Variants in DLC1 observed in about 807,000 individuals in gnomAD.
The protein encoded by DLC1 is rho GTPase-activating protein 7.
In DLC1, 54 loss-of-function variants were observed where a neutral mutation model predicts 140.3. The observed-to-expected ratio is 0.38, with a 90% CI of 0.31 to 0.48. The LOEUF is 0.48. Among genes scored for constraint, DLC1 ranks in the 20% least tolerant of loss-of-function variants. DLC1 has a pLI of 0.96. For missense variants in DLC1, 2,536 were observed against 1,907.0 expected (o/e 1.33, Z -6.14); for synonymous variants, 986 against 728.1 (o/e 1.35, Z -5.70).
intron 5 of DLC1, among the ~76,000 whole-genome samples, chr8:13,141,923 C>T (rs1232842705): frequency 6.6e-6 from 1 of 152,118 alleles, no homozygotes; most frequent in Admixed American, 6.5e-5. Flanking sequence ...ATTTTGTGTC[C>T]CCACCCAAAT....
At chr8:13,311,087 A>C (rs1400456210) in intron 4 of DLC1, among the ~76,000 whole-genome samples, 2 of 152,222 alleles carry the variant, frequency 1.3e-5, no homozygotes, top group African/African-American at 4.8e-5. Flanking sequence ...ATAATTATAA[A>C]AATTCAGAAT....
intron 5 of DLC1, among the ~76,000 whole-genome samples, chr8:13,202,252 G>T (rs1391335195): frequency 6.6e-6 from 1 of 151,964 alleles, no homozygotes; most frequent in South Asian, 2.1e-4. Flanking sequence ...CCTCAATAGG[G>T]TATTTTTAAA....
chr8:13,150,791 C>T (rs1230750590), intron 5 of DLC1, among the ~76,000 whole-genome samples: 1 of 152,234 alleles, frequency 6.6e-6, no homozygotes, highest in African/African-American at 2.4e-5. Flanking sequence ...GGTCTGATTT[C>T]TCAAGATGCT....
chr8:13,179,960 G>C (rs764361694), intron 5 of DLC1, among the ~76,000 whole-genome samples: 2 of 152,092 alleles, frequency 1.3e-5, no homozygotes, highest in Non-Finnish European at 2.9e-5. Flanking sequence ...GGCATACTTG[G>C]TATGCCTATT....
intron 1 of DLC1, among the ~76,000 whole-genome samples, chr8:13,581,759 C>A (rs1805107063): frequency 6.6e-6 from 1 of 152,176 alleles, no homozygotes; most frequent in South Asian, 2.1e-4. Flanking sequence ...AACACCCAAC[C>A]TCTTTATCAG....
intron 5 of DLC1, among the ~76,000 whole-genome samples, chr8:13,283,988 G>T (rs1563223380): frequency 6.6e-6 from 1 of 152,140 alleles, no homozygotes; most frequent in Non-Finnish European, 1.5e-5. Flanking sequence ...ACTCTCGAAG[G>T]CTAGGGAAGA....
chr8:13,558,165 A>G (rs1804118132), intron 1 of DLC1: 1 of 152,214 alleles, frequency 6.6e-6, no homozygotes, highest in African/African-American at 2.4e-5. Flanking sequence ...GGAAGATTTA[A>G]TTCTTGGAGC....
chr8:13,096,515 A>G (rs1479722894), intron 10 of DLC1, among the ~76,000 whole-genome samples: 2 of 152,174 alleles, frequency 1.3e-5, no homozygotes, highest in African/African-American at 2.4e-5. Flanking sequence ...ATAAGTGTGC[A>G]TAATACTCGC....
intron 1 of DLC1, among the ~76,000 whole-genome samples, chr8:13,535,782 AATATTTATAAAATGTCTATTGATATTT>A (rs1803257561): frequency 6.6e-6 from 1 of 152,004 alleles, no homozygotes; most frequent in Admixed American, 6.6e-5. Flanking sequence ...GAAGTATATT[AATATTTATAAAATGTCTATTGATATTT>A]ATAACTCTGA....
intron 2 of DLC1, among the ~76,000 whole-genome samples, chr8:13,448,228 C>T (rs1798876296): frequency 6.6e-6 from 1 of 151,962 alleles, no homozygotes; most frequent in South Asian, 2.1e-4. Flanking sequence ...CTTACACTCA[C>T]ATGGAAAAAA....
At chr8:13,179,270 G>A (rs73208956) in intron 5 of DLC1, among the ~76,000 whole-genome samples, 2,990 of 151,822 alleles carry the variant, frequency 0.02, 44 homozygotes, top group Non-Finnish European at 0.032. Flanking sequence ...TGACTGGGAG[G>A]TGGGGGGTGG....
chr8:13,164,696 G>T (rs889042401), intron 5 of DLC1, among the ~76,000 whole-genome samples: 1 of 152,128 alleles, frequency 6.6e-6, no homozygotes, highest in Non-Finnish European at 1.5e-5. Context: ...TTTACATCAG[G>T]AGAAAGCTCT....
intron 5 of DLC1, among the ~76,000 whole-genome samples, chr8:13,145,956 C>G (rs753040321): frequency 1.3e-5 from 2 of 152,008 alleles, no homozygotes; most frequent in African/African-American, 4.8e-5. Context: ...ATTATTGTGC[C>G]TCATAATGTA....
intron 4 of DLC1, among the ~76,000 whole-genome samples, chr8:13,334,053 A>G (rs781379052): frequency 5.3e-5 from 8 of 152,186 alleles, no homozygotes; most frequent in Non-Finnish European, 8.8e-5. Flanking sequence ...TGTTAGGAAG[A>G]AGAGAAAATA....
chr8:13,247,228 GAA>G (rs755046075), intron 5 of DLC1, among the ~76,000 whole-genome samples: 1 of 152,212 alleles, frequency 6.6e-6, no homozygotes, highest in Non-Finnish European at 1.5e-5. Flanking sequence ...CATTAGCAGT[GAA>G]AACTTCAGAC....
intron 1 of DLC1, among the ~76,000 whole-genome samples, chr8:13,536,677 A>T (rs529279384): frequency 6.6e-6 from 1 of 152,312 alleles, no homozygotes; most frequent in Admixed American, 6.5e-5. Flanking sequence ...TTCCTGCCCC[A>T]AGCAGTCTCC....
At chr8:13,219,404 T>TATAATTCATATAATTATACTTAA (rs1828431057) in intron 5 of DLC1, among the ~76,000 whole-genome samples, 1 of 146,726 alleles carries the variant, frequency 6.8e-6, no homozygotes, top group Non-Finnish European at 1.5e-5. Flanking sequence ...ATTATACTTA[T>TATAATTCATATAATTATACTTAA]ATAATTCATA....
intron 5 of DLC1, among the ~76,000 whole-genome samples, chr8:13,121,486 A>G (rs949948983): frequency 1.3e-5 from 2 of 152,152 alleles, no homozygotes; most frequent in Non-Finnish European, 1.5e-5. Context: ...TACTTGTAGT[A>G]AGGTAAGGAA....
chr8:13,084,323 A>G lies in DLC1; in HGVS notation c.*1488T>C, dbSNP rs537434104. On this transcript the variant is annotated 3_prime_UTR_variant, in exon 18 of 18. Transcript: ENST00000276297. ...TGATGCCCTGCCCCAAAATTCTTCA[A>G]AGAACCTTTGAAATAACACTGAAAA... is the stretch of plus-strand genomic sequence containing the variant. The G allele has an allele frequency of 2.0e-5, 3 of 152,686 alleles. No homozygotes were observed. In the South Asian group the frequency reaches 6.2e-4, roughly 32 times the overall value. 9.5% of individuals were successfully genotyped at this position (152,686 alleles called of 1,614,324 possible). A position where few individuals can be genotyped will look rare whatever the true frequency, so the allele number is the denominator to read the frequency against.
Sources: allele counts gnomAD v4.1 joint callset (sites outside exome capture counted in the v4.1 genomes callset), GRCh38; gene constraint gnomAD v4.1.1; transcripts MANE v1.5; gene names NCBI Gene and HGNC (gene_info 2026-07-23, HGNC 2026-07-21).